SOX5: variants seen among roughly 807,000 people sequenced by gnomAD.
SOX5 encodes transcription factor SOX-5.
A neutral mutation model predicts 92.0 loss-of-function variants in SOX5; 9 were observed. The ratio of observed to expected loss-of-function variants is 0.10; its 90% CI spans 0.06 to 0.17. The LOEUF is 0.17. Ranked by LOEUF, SOX5 falls within the 10% of genes least tolerant of loss-of-function variation. The pLI, the probability that SOX5 is intolerant of heterozygous loss-of-function variation, is 1.00. For missense variants in SOX5, 642 were observed against 944.5 expected (o/e 0.68, Z 4.20); for synonymous variants, 344 against 336.3 (o/e 1.02, Z -0.25).
intron 11 of SOX5, among the ~76,000 whole-genome samples, chr12:23,560,156 G>C (rs540665208): frequency 6.6e-6 from 1 of 152,120 alleles, no homozygotes; most frequent in African/African-American, 2.4e-5. Context: ...TGATCCCCCC[G>C]CCTCGGCCTC....
At chr12:23,957,544 A>C (rs979441905) in intron 4 of SOX5, among the ~76,000 whole-genome samples, 1 of 152,234 alleles carries the variant, frequency 6.6e-6, no homozygotes, top group Admixed American at 6.5e-5. Context: ...ATATCAAATG[A>C]CAAGTTCAAA....
At chr12:24,527,331 G>A (rs1950805153) in intron 1 of SOX5, among the ~76,000 whole-genome samples, 1 of 152,144 alleles carries the variant, frequency 6.6e-6, no homozygotes, top group Non-Finnish European at 1.5e-5. Context: ...GATTCCAGAT[G>A]GAGAAAGAAG....
chr12:23,583,357 T>C (rs1454421930), intron 9 of SOX5, among the ~76,000 whole-genome samples: 1 of 152,098 alleles, frequency 6.6e-6, no homozygotes, highest in Non-Finnish European at 1.5e-5. Flanking sequence ...TAACCCACAA[T>C]ATCACATGAA....
At chr12:24,444,334 T>A (rs1941137368) in intron 1 of SOX5, among the ~76,000 whole-genome samples, 1 of 151,478 alleles carries the variant, frequency 6.6e-6, no homozygotes, top group Admixed American at 6.6e-5. Context: ...TTATCCCTAC[T>A]CCATAGATGA....
chr12:24,125,402 C>T (rs1159577468), intron 4 of SOX5, among the ~76,000 whole-genome samples: 1 of 152,104 alleles, frequency 6.6e-6, no homozygotes, highest in Admixed American at 6.6e-5. Flanking sequence ...GCATGAGGTA[C>T]AAAACAGTTA....
rs935213044 is a variant in SOX5 at position 23,529,540 on chromosome 12, A to G, written c.*4679T>C. ...TTTGCTGTTTTTATTGGTGCCTTGC[A>G]TGGCAGTAATACTGAAAAAGGAGAA... On this transcript the variant is annotated 3_prime_UTR_variant, in exon 15 of 15. Coordinates refer to ENST00000451604, the MANE Select transcript of SOX5 (RefSeq NM_006940.6). 1 of 152,208 alleles carries G rather than the reference A, an allele frequency of 6.6e-6. No homozygotes were observed. Among genetic ancestry groups the G allele is most frequent in the Non-Finnish European group, 1.5e-5 (1 of 68,030 alleles). 9.4% of individuals were successfully genotyped at this position (152,208 alleles called of 1,614,324 possible).
chr12:23,881,407 G>C (rs1391330972), intron 2 of SOX5, among the ~76,000 whole-genome samples: 1 of 151,980 alleles, frequency 6.6e-6, no homozygotes, highest in South Asian at 2.1e-4. Flanking sequence ...CATCCACTCA[G>C]CACTAATCTC....
intron 3 of SOX5, among the ~76,000 whole-genome samples, chr12:24,251,578 T>TG (rs1412332270): frequency 2.0e-5 from 3 of 151,628 alleles, no homozygotes; most frequent in Non-Finnish European, 4.4e-5. Flanking sequence ...TTTTGTTTTT[T>TG]TTTTTTTCTT....
intron 4 of SOX5, among the ~76,000 whole-genome samples, chr12:24,107,972 C>CA (rs1303311289): frequency 1.3e-5 from 2 of 152,132 alleles, no homozygotes; most frequent in Non-Finnish European, 1.5e-5. Flanking sequence ...GGCAGAGCTT[C>CA]AAATAAAGTT....
chr12:23,685,938 T>A (rs550523797), intron 6 of SOX5, among the ~76,000 whole-genome samples: 111 of 152,158 alleles, frequency 7.3e-4, no homozygotes, highest in Non-Finnish European at 1.4e-3. Context: ...ACGAGCCTAT[T>A]CCAACTTAGA....
intron 6 of SOX5, among the ~76,000 whole-genome samples, chr12:23,680,047 C>T (rs527714263): frequency 2.6e-5 from 4 of 151,290 alleles, no homozygotes; most frequent in Non-Finnish European, 4.4e-5. Flanking sequence ...AATAACAGGC[C>T]GGGCATGGTG....
intron 8 of SOX5, among the ~76,000 whole-genome samples, chr12:23,616,303 C>T (rs547583021): frequency 6.6e-6 from 1 of 152,312 alleles, no homozygotes; most frequent in South Asian, 2.1e-4. Context: ...CGCTAACCTC[C>T]TAAGTGGTTA....
intron 2 of SOX5, among the ~76,000 whole-genome samples, chr12:24,366,008 A>G (rs886936736): frequency 3.9e-5 from 6 of 152,160 alleles, no homozygotes; most frequent in Non-Finnish European, 5.9e-5. Context: ...TTCAGGAAAT[A>G]GTCCCAGTAA....
At chr12:23,699,264 A>G (rs1196295094) in intron 6 of SOX5, among the ~76,000 whole-genome samples, 1 of 152,182 alleles carries the variant, frequency 6.6e-6, no homozygotes, top group Non-Finnish European at 1.5e-5. Context: ...TTGTCTCACC[A>G]GATAGTGAGC....
chr12:23,546,499 A>C, intron 11 of SOX5, 75 bp from the exon 12 acceptor site: 1 of 791,502 alleles, frequency 1.3e-6, no homozygotes, highest in Non-Finnish European at 2.1e-6. Flanking sequence ...TGGGCCACAT[A>C]TATAATACAT....
chr12:24,120,570 GGA>G (rs1240394320), intron 4 of SOX5, among the ~76,000 whole-genome samples: 14 of 152,292 alleles, frequency 9.2e-5, no homozygotes, highest in Middle Eastern at 3.4e-3. Flanking sequence ...AAGAAATGGA[GGA>G]GATTGTTACA....
intron 1 of SOX5, among the ~76,000 whole-genome samples, chr12:24,553,829 G>A (rs1303885884): frequency 6.6e-6 from 1 of 152,178 alleles, no homozygotes; most frequent in Non-Finnish European, 1.5e-5. Flanking sequence ...AATAAATAGA[G>A]GACCTATGAA....
chr12:23,632,836 T>C (rs1021314467), intron 8 of SOX5, among the ~76,000 whole-genome samples: 1 of 152,164 alleles, frequency 6.6e-6, no homozygotes, highest in African/African-American at 2.4e-5. Context: ...TTCCAGAGAA[T>C]GCATGCTACT....
chr12:23,776,730 G>A (rs1391599504), intron 3 of SOX5, among the ~76,000 whole-genome samples: 1 of 152,080 alleles, frequency 6.6e-6, no homozygotes, highest in East Asian at 1.9e-4. Context: ...TAGATCCCTA[G>A]CATGTGCAGT....
Sources: allele counts gnomAD v4.1 joint callset (sites outside exome capture counted in the v4.1 genomes callset), GRCh38; gene constraint gnomAD v4.1.1; transcripts MANE v1.5; gene names NCBI Gene and HGNC (gene_info 2026-07-23, HGNC 2026-07-21).